HDAC9: variants seen among roughly 807,000 people sequenced by gnomAD.
HDAC9 encodes the protein MEF-2 interacting transcription repressor (MITR) protein.
Under a neutral mutation model 139.4 loss-of-function variants are expected in HDAC9, and 41 were observed. The ratio of observed to expected loss-of-function variants is 0.29; its 90% CI spans 0.23 to 0.38. HDAC9 has a LOEUF of 0.38. HDAC9 is among the 10% of genes least tolerant of loss of function. The pLI, the probability that HDAC9 is intolerant of heterozygous loss-of-function variation, is 1.00. For missense variants in HDAC9, 1,147 were observed against 1,297.0 expected (o/e 0.88, Z 1.78); for synonymous variants, 517 against 476.2 (o/e 1.09, Z -1.12).
intron 1 of HDAC9, among the ~76,000 whole-genome samples, chr7:18,098,830 T>C (rs1782672580): frequency 6.6e-6 from 1 of 152,216 alleles, no homozygotes; most frequent in African/African-American, 2.4e-5. Context: ...TAGCAATATA[T>C]AGAATTTTGA....
intron 2 of HDAC9, among the ~76,000 whole-genome samples, chr7:18,206,252 A>G (rs986943215): frequency 6.3e-4 from 96 of 152,216 alleles, no homozygotes; most frequent in African/African-American, 2.2e-3. Context: ...GATTAAAGGC[A>G]TTAAGGAGTT....
intron 1 of HDAC9, among the ~76,000 whole-genome samples, chr7:18,346,465 C>G (rs1316246570): frequency 6.6e-6 from 1 of 152,092 alleles, no homozygotes; most frequent in African/African-American, 2.4e-5. Flanking sequence ...CCGCTATTAA[C>G]ACAACTTGCA....
intron 23 of HDAC9, chr7:18,949,053 C>T: frequency 2.5e-6 from 1 of 393,842 alleles, no homozygotes; most frequent in Admixed American, 3.1e-5. Flanking sequence ...ATGTTTTCTA[C>T]AGAACTAGGT....
chr7:18,162,235 C>T, exon 2 of HDAC9: 1 of 1,163,768 alleles, frequency 8.6e-7, no homozygotes, highest in East Asian at 2.6e-5. Flanking sequence ...CTAGGTTTCT[C>T]CTCTGCCAAC....
intron 2 of HDAC9, among the ~76,000 whole-genome samples, chr7:18,498,836 C>A (rs1387123167): frequency 2.0e-5 from 3 of 152,038 alleles, no homozygotes; most frequent in African/African-American, 7.2e-5. Context: ...AACGTATACT[C>A]ACTATTAGAA....
chr7:18,362,427 G>GTCA (rs1173266486), intron 1 of HDAC9, among the ~76,000 whole-genome samples: 7 of 152,232 alleles, frequency 4.6e-5, no homozygotes, highest in Non-Finnish European at 8.8e-5. Context: ...AGATGATCCA[G>GTCA]TCATTAAAAT....
intron 16 of HDAC9, among the ~76,000 whole-genome samples, chr7:18,772,747 C>A (rs1016264787): frequency 3.9e-5 from 6 of 151,974 alleles, no homozygotes; most frequent in African/African-American, 1.4e-4. Flanking sequence ...GCAAGAACAC[C>A]CCATGGCACC....
rs149322421 is a variant in HDAC9 at position 18,355,737 on chromosome 7, C to G, written c.-42+65222C>G. 4.6e-5 allele frequency among the ~76,000 whole-genome samples: 7 copies of G among 152,192 alleles called. No homozygotes were observed. The East Asian group carries it at 1.4e-3, about 29-fold the overall frequency. On this transcript the variant is annotated intron_variant, in intron 1 of 3. Transcript: ENST00000413509. ...GAGTTTGGTTTGGTGAGGGATTTAA[C>G]CCCCATTTCGTGACACTGATCAAGG...
intron 2 of HDAC9, among the ~76,000 whole-genome samples, chr7:18,250,125 A>C (rs1376558096): frequency 6.6e-6 from 1 of 152,166 alleles, no homozygotes; most frequent in Non-Finnish European, 1.5e-5. Context: ...TAGATATGAT[A>C]CTCGTATAAA....
chr7:18,895,778 G>T (rs752146145), intron 22 of HDAC9, among the ~76,000 whole-genome samples: 1 of 151,992 alleles, frequency 6.6e-6, no homozygotes. Context: ...GTTGGAGTTC[G>T]CATTTGATCT....
intron 1 of HDAC9, among the ~76,000 whole-genome samples, chr7:18,146,922 C>T (rs1261897220): frequency 6.6e-6 from 1 of 152,138 alleles, no homozygotes; most frequent in Admixed American, 6.5e-5. Flanking sequence ...ATAGGAATTG[C>T]ATCATGTTTG....
At chr7:18,134,423 T>A (rs1019461403) in intron 1 of HDAC9, among the ~76,000 whole-genome samples, 6 of 152,306 alleles carry the variant, frequency 3.9e-5, no homozygotes, top group Middle Eastern at 3.4e-3. Flanking sequence ...AGCTAGTGCT[T>A]AATTTCCACC....
chr7:18,747,409 G>T (rs1788071521), intron 13 of HDAC9, among the ~76,000 whole-genome samples: 1 of 152,166 alleles, frequency 6.6e-6, no homozygotes, highest in Non-Finnish European at 1.5e-5. Context: ...GATCTGTTTT[G>T]GAGGGAAAAC....
At chr7:18,622,804 T>C (rs1840588966) in intron 6 of HDAC9, among the ~76,000 whole-genome samples, 1 of 152,120 alleles carries the variant, frequency 6.6e-6, no homozygotes, top group South Asian at 2.1e-4. Context: ...ATTGAAATTT[T>C]TTAATCTAAA....
At chr7:18,336,678 T>C (rs1477009609) in intron 1 of HDAC9, among the ~76,000 whole-genome samples, 1 of 151,664 alleles carries the variant, frequency 6.6e-6, no homozygotes, top group South Asian at 2.1e-4. Context: ...TAATACTTCA[T>C]TATGCTAATT....
chr7:18,129,268 A>G (rs1210844377), intron 1 of HDAC9, among the ~76,000 whole-genome samples: 1 of 152,090 alleles, frequency 6.6e-6, no homozygotes, highest in Non-Finnish European at 1.5e-5. Context: ...CTGATATACC[A>G]TGGAAATTAT....
At chr7:18,743,807 C>A (rs1562905238) in intron 13 of HDAC9, among the ~76,000 whole-genome samples, 1 of 151,882 alleles carries the variant, frequency 6.6e-6, no homozygotes, top group Admixed American at 6.6e-5. Flanking sequence ...AGCCACTATG[C>A]ATGAGATTTG....
At position 18,694,121 on chromosome 7, in the gene HDAC9, T is replaced by C. The variant is rs181510617; in HGVS notation, c.1731+27645T>C. On this transcript the variant is annotated intron_variant, in intron 12 of 25. Transcript: ENST00000686413. ...AGCTTGTGAAATAAAGACCAAATGA[T>C]GACGTTTTTAATTCACCCACACCTA... Among the ~76,000 whole-genome samples, 142 of 152,242 alleles carry C rather than the reference T, an allele frequency of 9.3e-4. 2 individuals carry two copies. Among genetic ancestry groups the C allele is most frequent in the Admixed American group, 9.3e-3 (142 of 15,272 alleles).
intron 2 of HDAC9, among the ~76,000 whole-genome samples, chr7:18,281,396 A>AAGAG (rs908151609): frequency 6.6e-6 from 1 of 151,680 alleles, no homozygotes; most frequent in Non-Finnish European, 1.5e-5. Context: ...TACTTAATTT[A>AAGAG]AGAGAGAGAG....
Sources: allele counts gnomAD v4.1 joint callset (sites outside exome capture counted in the v4.1 genomes callset), GRCh38; gene constraint gnomAD v4.1.1; transcripts MANE v1.5; gene names NCBI Gene and HGNC (gene_info 2026-07-23, HGNC 2026-07-21).